SLC4A3: variants seen among roughly 807,000 people sequenced by gnomAD.
SLC4A3 encodes the protein solute carrier family 4 member 3, also known as anion exchange protein 3.
In SLC4A3, 47 loss-of-function variants were observed where a neutral mutation model predicts 114.2. The ratio of observed to expected loss-of-function variants is 0.41; its 90% CI spans 0.33 to 0.52. SLC4A3 has a LOEUF of 0.52. SLC4A3 is among the 20% of genes least tolerant of loss of function. The pLI, the probability that SLC4A3 is intolerant of heterozygous loss-of-function variation, is 0.21. For synonymous variants in SLC4A3, 693 were observed against 710.3 expected (o/e 0.98, Z 0.39); for missense variants, 1,312 against 1,668.3 (o/e 0.79, Z 3.72).
rs62181348 is a variant in SLC4A3 at position 219,628,664 on chromosome 2, T to A, written c.217+94T>A. The A allele has an allele frequency of 0.027, 34,000 of 1,254,268 alleles. 559 individuals are homozygous for A. Among genetic ancestry groups the A allele is most frequent in the African/African-American group, 0.067 (4,481 of 66,792 alleles). 77.7% of individuals were successfully genotyped at this position (1,254,268 alleles called of 1,614,324 possible). On this transcript the variant is annotated intron_variant, in intron 3 of 22. Transcript: ENST00000358055. The surrounding 1 kb of genome is among the most constrained non-coding windows in gnomAD (Gnocchi z 4.8). ...GCTCACCTCCGGCTTGGTCACCCAG[T>A]GCCATCCTGTGCCGGACACTGTGCT...
At chr2:219,633,526 C>T (rs1273246607) in intron 10 of SLC4A3, 69 bp downstream of exon 10, 10 of 1,342,454 alleles carry the variant, frequency 7.4e-6, no homozygotes, top group South Asian at 4.8e-5. Context: ...AGGTCATCGA[C>T]GACTTCACTG....
rs1699227873 is a variant in SLC4A3, at chr2:219,639,054, G to T, written c.3023+185G>T. ...CTGGCAGGGGTGAGGAGGAGGTGGG[G>T]GAGGAGCAGAGAGCAGTGGCATCCG... On this transcript the variant is annotated intron_variant, in intron 19 of 22. Coordinates refer to ENST00000358055, the MANE Select transcript of SLC4A3 (RefSeq NM_005070.4). The surrounding 1 kb of genome is among the most constrained non-coding windows in gnomAD (Gnocchi z 5.9). 6.6e-6 allele frequency among the ~76,000 whole-genome samples: 1 copy of T among 152,054 alleles called. No homozygotes were observed. The highest frequency in any genetic ancestry group is 1.5e-5 in the Non-Finnish European group (1 of 68,006).
Position 219,632,961 on chromosome 2 carries a change from G to A in SLC4A3, c.1229G>A (p.Arg410Gln), listed in dbSNP as rs765941417. 27 of 1,613,950 alleles carry A rather than the reference G, an allele frequency of 1.7e-5. No individual in the cohort carries two copies. Among genetic ancestry groups the A allele is most frequent in the Non-Finnish European group, 1.9e-5 (22 of 1,180,014 alleles). The change falls in exon 9 of 23, where the codon CGG becomes CAG. Residue 410 changes from arginine (R) to glutamine (Q), a missense_variant. Around this residue, in one of 4 missense-constraint regions of SLC4A3, gnomAD observed 771 missense variants for 977.7 expected, o/e 0.79. Transcript: ENST00000358055. The stretch of plus-strand genomic sequence containing the variant: ...ACCATGATTGTGTCTGACCAGATCC[G>A]GCCGGAGGACAGGGCCAGCGTCCTA... ...VETMIVSDQI[R>Q]PEDRASVLRT...
At position 219,640,600 on chromosome 2, in the gene SLC4A3, G is replaced by T; in HGVS notation, c.3447+1G>T. The T allele has an allele frequency of 6.2e-7, 1 of 1,613,658 alleles. No homozygotes were observed. The highest frequency in any genetic ancestry group is 8.5e-7 in the Non-Finnish European group (1 of 1,179,704). The stretch of plus-strand genomic sequence containing the variant: ...TCCTGAGCAGCCCTATGTGACCAAG[G>T]TAGGGCCGGGAAGCATGGGGGTAGG... On this transcript the variant is annotated splice_donor_variant, in intron 21 of 22. Transcript: ENST00000358055. LOFTEE classifies it high-confidence loss of function.
Position 219,632,297 on chromosome 2 carries a change from C to A in SLC4A3, c.996C>A (p.Arg332=). The A allele has an allele frequency of 6.2e-7, 1 of 1,614,112 alleles. No homozygotes were observed. The highest frequency in any genetic ancestry group is 8.5e-7 in the Non-Finnish European group (1 of 1,180,028). ...AGCTGAACGAGCTGATGCTGGACCG[C>A]AGCCAGGAGCCCCACTGGCGGGAGA... ...FVELNELMLD[R]SQEPHWRETA... The change falls in exon 8 of 23, where the codon CGC becomes CGA. Residue 332 remains arginine (R), a synonymous_variant. Transcript: ENST00000358055.
Position 219,640,776 on chromosome 2 carries a change from G to C in SLC4A3, c.3448-13G>C. 6.2e-7 allele frequency: 1 copy of C among 1,607,954 alleles called. No individual in the cohort carries two copies. The highest frequency in any genetic ancestry group is 8.5e-7 in the Non-Finnish European group (1 of 1,177,104). On this transcript the variant is annotated splice_polypyrimidine_tract_variant and intron_variant, in intron 21 of 22. Transcript: ENST00000358055. ...GGACGCTGTGCACTGGGGCCCACTG[G>C]CTGCTCCCCTAGGTGAAGACGTGGC...
rs1415513926 is a variant in SLC4A3 at position 219,630,060 on chromosome 2, G to A, written c.612-93G>A. The A allele has an allele frequency of 6.5e-7, 1 of 1,543,846 alleles. No individual in the cohort carries two copies. Among genetic ancestry groups the A allele is most frequent in the South Asian group, 1.3e-5 (1 of 79,806 alleles). On this transcript the variant is annotated intron_variant, in intron 5 of 22. Transcript: ENST00000358055. This position sits in a 1 kb window ranked among gnomAD's most constrained non-coding sequence, Gnocchi z 6.9. ...GGAGGGGCCTGGGTCTCATGCTCAGGGTCTACTCCAGGCCGTGCTCTGAGC... is the reference window on the plus strand; with the variant it reads ...GGAGGGGCCTGGGTCTCATGCTCAGAGTCTACTCCAGGCCGTGCTCTGAGC...
rs1489314057 is a variant in SLC4A3 at position 219,628,842 on chromosome 2, C to T, written c.217+272C>T. 1.7e-6 allele frequency: 1 copy of T among 583,262 alleles called. No homozygotes were observed. The highest frequency in any genetic ancestry group is 2.9e-5 in the East Asian group (1 of 34,324). The allele number at this position is 583,262 out of a possible 1,614,324, so 36.1% of individuals were successfully genotyped here. On this transcript the variant is annotated intron_variant, in intron 3 of 22. Transcript: ENST00000358055. The surrounding 1 kb of genome is among the most constrained non-coding windows in gnomAD (Gnocchi z 4.8). ...CGGTGACCTTCCCCTTCCCCTTCGTCCCCACTCACTCCCTCCTTGTCCCAC... is the reference window on the plus strand; with the variant it reads ...CGGTGACCTTCCCCTTCCCCTTCGTTCCCACTCACTCCCTCCTTGTCCCAC...
In SLC4A3 at chr2:219,632,438, C is replaced by A. The variant is rs1213134365; in HGVS notation, c.1137C>A (p.Ala379=). The change falls in exon 8 of 23, where the codon GCC becomes GCA. Residue 379 remains alanine (A), a synonymous_variant. Coordinates refer to ENST00000358055, the MANE Select transcript of SLC4A3 (RefSeq NM_005070.4). Reference sequence around the variant, plus strand: ...TTCTGGAGCTCAGGAGGACCATCGCCCATGGTAGGGACCCCCAGGCCTGGC... The same window carrying A: ...TTCTGGAGCTCAGGAGGACCATCGCACATGGTAGGGACCCCCAGGCCTGGC... The part of the protein sequence containing the change: ...RSLLELRRTI[A]HGAALLDLEQ... 2.5e-6 allele frequency: 4 copies of A among 1,589,736 alleles called. No homozygotes were observed. The East Asian group carries it at 6.7e-5, about 27-fold the overall frequency.
In SLC4A3 at chr2:219,639,471, T is replaced by C. The variant is rs1347479902; in HGVS notation, c.3024-11T>C. On this transcript the variant is annotated splice_polypyrimidine_tract_variant and intron_variant, in intron 19 of 22. Coordinates refer to ENST00000358055, the MANE Select transcript of SLC4A3 (RefSeq NM_005070.4). This position sits in a 1 kb window ranked among gnomAD's most constrained non-coding sequence, Gnocchi z 5.9. ...GCCAGCCACACCCCGCTCCCCACCT[T>C]CTCCCTGCAGGCTTATCGTCAGCCA... 2 of 1,609,254 alleles carry C rather than the reference T, an allele frequency of 1.2e-6. No individual in the cohort carries two copies. The highest frequency in any genetic ancestry group is 8.5e-7 in the Non-Finnish European group (1 of 1,177,552).
rs905535516 is a variant in SLC4A3, at chr2:219,631,009, G to A, written c.811+657G>A. 3 of 613,250 alleles carry A rather than the reference G, an allele frequency of 4.9e-6. No homozygotes were observed. Among genetic ancestry groups the A allele is most frequent in the African/African-American group, 3.9e-5 (2 of 51,168 alleles). 38.0% of individuals were successfully genotyped at this position (613,250 alleles called of 1,614,324 possible). On this transcript the variant is annotated intron_variant, in intron 6 of 22. Coordinates refer to ENST00000358055, the MANE Select transcript of SLC4A3 (RefSeq NM_005070.4). The surrounding 1 kb of genome is among the most constrained non-coding windows in gnomAD (Gnocchi z 6.3). ...CTGAGGACAGGGACAGGAACAATCCGATGGCAGCAGTAGCAGCAGGATGGG... is the reference window on the plus strand; with the variant it reads ...CTGAGGACAGGGACAGGAACAATCCAATGGCAGCAGTAGCAGCAGGATGGG...
chr2:219,632,256 C>T lies in SLC4A3; in HGVS notation c.961-6C>T, dbSNP rs1698952038. 2 of 1,613,872 alleles carry T rather than the reference C, an allele frequency of 1.2e-6. No individual in the cohort carries two copies. Among genetic ancestry groups the T allele is most frequent in the Admixed American group, 1.7e-5 (1 of 60,004 alleles). On this transcript the variant is annotated splice_polypyrimidine_tract_variant and splice_region_variant and intron_variant, in intron 7 of 22. Coordinates refer to ENST00000358055, the MANE Select transcript of SLC4A3 (RefSeq NM_005070.4). ...CCTGGGCCCTCACCTTTGGCACGCC[C>T]CCCAGGTGTTCGTGGAGCTGAACGA...
Position 219,641,651 on chromosome 2 carries a change from C to T in SLC4A3, c.3622C>T (p.Leu1208=), listed in dbSNP as rs772129027. The T allele has an allele frequency of 1.2e-6, 2 of 1,613,472 alleles. No individual in the cohort carries two copies. Residue 1208 remains leucine, a splice_region_variant and synonymous_variant, in exon 23 of 23, where the codon CTG becomes TTG. Transcript: ENST00000358055. This position sits in a 1 kb window ranked among gnomAD's most constrained non-coding sequence, Gnocchi z 4.0. ...CCCCAACCTTCTGTTCCCTCTGCAG[C>T]TGGACTCGGAAGATGCTGAACCAAA... is the stretch of plus-strand genomic sequence containing the variant. The part of the protein sequence containing the change: ...RLFQDRELQA[L]DSEDAEPNFD...
Position 219,636,839 on chromosome 2 carries a change from A to G in SLC4A3, c.2500A>G (p.Ile834Val). The G allele has an allele frequency of 6.2e-7, 1 of 1,613,410 alleles. No homozygotes were observed. Among genetic ancestry groups the G allele is most frequent in the Non-Finnish European group, 8.5e-7 (1 of 1,179,842 alleles). The change falls in exon 16 of 23, where the codon ATT becomes GTT. Residue 834 changes from isoleucine to valine, a missense_variant. Physicochemically the swap from Ile to Val is conservative, Grantham distance 29 (BLOSUM62 3). Transcript: ENST00000358055. This position sits in a 1 kb window ranked among gnomAD's most constrained non-coding sequence, Gnocchi z 5.5. Reference protein sequence around the residue: ...QEIFAFLISLIFIYETFYKLY... With the variant: ...QEIFAFLISLVFIYETFYKLY... ...GATCTTTGCCTTTCTCATCTCACTCATTTTCATCTACGAGACCTTCTACAA... is the reference window on the plus strand; with the variant it reads ...GATCTTTGCCTTTCTCATCTCACTCGTTTTCATCTACGAGACCTTCTACAA...
Position 219,631,115 on chromosome 2 carries a change from G to A in SLC4A3, c.811+763G>A. On this transcript the variant is annotated intron_variant, in intron 6 of 22. Coordinates refer to ENST00000358055, the MANE Select transcript of SLC4A3 (RefSeq NM_005070.4). The surrounding 1 kb of genome is among the most constrained non-coding windows in gnomAD (Gnocchi z 6.3). Reference sequence around the variant, plus strand: ...CAGGCTTGTGGACTTGGGGAGTTGGGGTCGGGAGGCTGTGCCACCTTCAGC... The same window carrying A: ...CAGGCTTGTGGACTTGGGGAGTTGGAGTCGGGAGGCTGTGCCACCTTCAGC... 3.4e-6 allele frequency: 4 copies of A among 1,160,606 alleles called. No homozygotes were observed. Among genetic ancestry groups the A allele is most frequent in the Non-Finnish European group, 3.3e-6 (3 of 921,306 alleles). The allele number at this position is 1,160,606 out of a possible 1,614,324, so 71.9% of individuals were successfully genotyped here.
rs781731016 is a variant in SLC4A3, at chr2:219,632,855, T to G, written c.1142-19T>G. The G allele has an allele frequency of 1.2e-6, 2 of 1,613,764 alleles. No individual in the cohort carries two copies. Among genetic ancestry groups the G allele is most frequent in the African/African-American group, 2.7e-5 (2 of 74,938 alleles). On this transcript the variant is annotated intron_variant, in intron 8 of 22. Coordinates refer to ENST00000358055, the MANE Select transcript of SLC4A3 (RefSeq NM_005070.4). ...GTCTGATGGGACTGTGCCCTCTCTG[T>G]GCCTGACTGTCCCCCTAGGAGCTGC...
Position 219,634,495 on chromosome 2 carries a change from T to C in SLC4A3, c.1637T>C (p.Leu546Pro), listed in dbSNP as rs1160821041. The C allele has an allele frequency of 1.2e-6, 2 of 1,614,208 alleles. No individual in the cohort carries two copies. The highest frequency in any genetic ancestry group is 1.7e-5 in the Admixed American group (1 of 60,024). Residue 546 changes from leucine (L) to proline (P), a missense_variant, in exon 12 of 23, where the codon CTT becomes CCT. Leu to Pro is a moderately conservative substitution (Grantham distance 98). Around this residue, in one of 4 missense-constraint regions of SLC4A3, gnomAD observed 771 missense variants for 977.7 expected, o/e 0.79. Coordinates refer to ENST00000358055, the MANE Select transcript of SLC4A3 (RefSeq NM_005070.4). ...LNEAVLLESV[L>P]EVPVPVRFLF... ...GAGGCTGTACTCCTGGAGTCTGTGCTTGAGGTCCCTGTCCCGGTCCGCTTC... is the reference window on the plus strand; with the variant it reads ...GAGGCTGTACTCCTGGAGTCTGTGCCTGAGGTCCCTGTCCCGGTCCGCTTC...
chr2:219,637,872 C>A lies in SLC4A3; in HGVS notation c.2766+61C>A. 3 of 1,349,866 alleles carry A rather than the reference C, an allele frequency of 2.2e-6. No individual in the cohort carries two copies. Among genetic ancestry groups the A allele is most frequent in the South Asian group, 1.2e-5 (1 of 84,520 alleles). 83.6% of individuals were successfully genotyped at this position (1,349,866 alleles called of 1,614,324 possible). On this transcript the variant is annotated intron_variant, in intron 17 of 22. Coordinates refer to ENST00000358055, the MANE Select transcript of SLC4A3 (RefSeq NM_005070.4). This position sits in a 1 kb window ranked among gnomAD's most constrained non-coding sequence, Gnocchi z 4.6. ...CCACAATTCCTGCTGTAGGAGCTCC[C>A]CAGAGAGGCTGCACCCCTTCCCCGG...
intron 21 of SLC4A3, 67 bp downstream of exon 21, chr2:219,640,666 G>A: frequency 6.3e-7 from 1 of 1,577,086 alleles, no homozygotes; most frequent in South Asian, 1.1e-5. Context: ...GGATCTGGGA[G>A]CATTGATGGA....
Sources: gnomAD v4.1 joint callset for allele counts (sites outside exome capture counted in the v4.1 genomes callset) on GRCh38, gnomAD v4.1.1 for gene constraint, gnomAD v4.1.1 regional missense constraint, Gnocchi (gnomAD v3.1) non-coding constraint, MANE v1.5 for transcripts, NCBI Gene and HGNC (gene_info 2026-07-23, HGNC 2026-07-21) for gene names.